The following PDE4B variants were observed in gnomAD, a reference collection of about 807,000 sequenced individuals.
The protein encoded by PDE4B is phosphodiesterase 4B.
PDE4B carries 20 observed loss-of-function variants against 82.2 expected under a neutral mutation model. The ratio of observed to expected loss-of-function variants is 0.24; its 90% CI spans 0.17 to 0.35. PDE4B has a LOEUF of 0.35. PDE4B is among the 10% of genes least tolerant of loss of function. The probability of loss-of-function intolerance (pLI) is 1.00; values close to 1 mark genes in which losing one functional copy is unlikely to be tolerated. For missense variants in PDE4B, 655 were observed against 907.2 expected (o/e 0.72, Z 3.57); for synonymous variants, 320 against 318.9 (o/e 1.00, Z -0.04).
At chr1:66,269,806 C>T (rs188687299) in intron 7 of PDE4B, among the ~76,000 whole-genome samples, 2 of 152,096 alleles carry the variant, frequency 1.3e-5, no homozygotes, top group East Asian at 1.9e-4. Flanking sequence ...GATTTTTTTG[C>T]TTTATAGAAG....
intron 7 of PDE4B, chr1:66,267,094 C>T (rs1655107502): frequency 6.5e-6 from 1 of 153,874 alleles, no homozygotes; most frequent in African/African-American, 2.4e-5. Context: ...TCTATTGGCT[C>T]ATTGGCTTCT....
At chr1:66,359,011 A>ACC (rs1262105490) in intron 9 of PDE4B, among the ~76,000 whole-genome samples, 2 of 152,204 alleles carry the variant, frequency 1.3e-5, no homozygotes, top group Non-Finnish European at 2.9e-5. Context: ...TTGCTGGTGC[A>ACC]AGGGGAAATA....
At chr1:66,029,936 T>C (rs1653670817) in intron 3 of PDE4B, among the ~76,000 whole-genome samples, 1 of 152,140 alleles carries the variant, frequency 6.6e-6, no homozygotes, top group South Asian at 2.1e-4. Flanking sequence ...ACCACAATTA[T>C]GAAGTCTAAT....
chr1:66,188,198 GAC>G (rs1339247179), intron 3 of PDE4B, among the ~76,000 whole-genome samples: 1 of 152,062 alleles, frequency 6.6e-6, no homozygotes, highest in East Asian at 1.9e-4. Flanking sequence ...TGGTCTGAGA[GAC>G]AGTTTGTTAT....
chr1:65,964,301 A>T (rs1431746760), intron 3 of PDE4B, among the ~76,000 whole-genome samples: 1 of 152,204 alleles, frequency 6.6e-6, no homozygotes, highest in Admixed American at 6.5e-5. Flanking sequence ...AAAACGGTTA[A>T]ACAATTAAAA....
At chr1:66,301,202 G>A (rs1657869026) in intron 7 of PDE4B, among the ~76,000 whole-genome samples, 2 of 151,826 alleles carry the variant, frequency 1.3e-5, no homozygotes. Flanking sequence ...TTTTTTCTAT[G>A]GGTAATTTTT....
In PDE4B at chr1:66,353,795, T is replaced by A. The variant is rs963120343; in HGVS notation, c.748-1732T>A. Among the ~76,000 whole-genome samples, 9 of 152,308 alleles carry A rather than the reference T, an allele frequency of 5.9e-5. 3 individuals are homozygous for A. The highest frequency in any genetic ancestry group is 6.5e-5 in the Admixed American group (1 of 15,294). On this transcript the variant is annotated intron_variant, in intron 8 of 16. Coordinates refer to ENST00000341517, the MANE Select transcript of PDE4B (RefSeq NM_002600.4). The stretch of plus-strand genomic sequence containing the variant: ...TGCTAAAATAAAATAAAAATTAATT[T>A]AAATCCTCAGATTTCTAATGTGAGT...
chr1:65,878,219 A>T (rs1390360746), intron 1 of PDE4B, among the ~76,000 whole-genome samples: 1 of 152,226 alleles, frequency 6.6e-6, no homozygotes, highest in East Asian at 1.9e-4. Context: ...ACCATTAAAA[A>T]GTCAGGAAAC....
chr1:65,870,142 A>G (rs1384091265), intron 1 of PDE4B, among the ~76,000 whole-genome samples: 1 of 152,202 alleles, frequency 6.6e-6, no homozygotes, highest in African/African-American at 2.4e-5. Context: ...TCACCCAGAG[A>G]GTATTGTTTC....
At chr1:65,986,613 C>T (rs894472609) in intron 3 of PDE4B, among the ~76,000 whole-genome samples, 1 of 152,100 alleles carries the variant, frequency 6.6e-6, no homozygotes, top group Admixed American at 6.6e-5. Flanking sequence ...TGCACCAAGG[C>T]GATCAGTTAT....
rs1002699530 is a variant in PDE4B at position 65,958,291 on chromosome 1, A to C, written c.281+39456A>C. Among the ~76,000 whole-genome samples, 6 of 152,168 alleles carry C rather than the reference A, an allele frequency of 3.9e-5. No individual in the cohort carries two copies. The Middle Eastern group carries it at 0.01, about 259-fold the overall frequency. ...GGTGATAAATATATTTTCTAATGAT[A>C]AACTGCCTTTTCCTTCCTAAAATAA... On this transcript the variant is annotated intron_variant, in intron 3 of 16. Transcript: ENST00000341517.
intron 1 of PDE4B, among the ~76,000 whole-genome samples, chr1:65,819,987 A>G (rs1157733795): frequency 6.6e-6 from 1 of 152,208 alleles, no homozygotes; most frequent in Non-Finnish European, 1.5e-5. Flanking sequence ...ATTAGACAAA[A>G]AGACTACGAT....
chr1:65,888,165 G>A (rs1490156980), intron 1 of PDE4B, among the ~76,000 whole-genome samples: 1 of 152,050 alleles, frequency 6.6e-6, no homozygotes, highest in Non-Finnish European at 1.5e-5. Context: ...TCTTCTGCAT[G>A]TGGCGACCAA....
chr1:65,953,426 G>A (rs180917263), intron 3 of PDE4B, among the ~76,000 whole-genome samples: 4 of 152,050 alleles, frequency 2.6e-5, no homozygotes, highest in African/African-American at 7.2e-5. Context: ...AATCTAGTCC[G>A]ATGAAATCAC....
chr1:65,948,727 C>T (rs1569786271), intron 3 of PDE4B, among the ~76,000 whole-genome samples: 1 of 152,188 alleles, frequency 6.6e-6, no homozygotes, highest in East Asian at 1.9e-4. Context: ...TGTTTGGGAT[C>T]TTTGGCTATC....
At chr1:65,803,757 C>G (rs1218681581) in intron 1 of PDE4B, among the ~76,000 whole-genome samples, 1 of 152,152 alleles carries the variant, frequency 6.6e-6, no homozygotes, top group Admixed American at 6.5e-5. Context: ...CAATGAGGTT[C>G]TGCTTTACTA....
chr1:66,070,760 A>G (rs1181878486), intron 3 of PDE4B, among the ~76,000 whole-genome samples: 1 of 152,040 alleles, frequency 6.6e-6, no homozygotes, highest in African/African-American at 2.4e-5. Context: ...CTTCTTATTT[A>G]TTTTAGTTAA....
intron 1 of PDE4B, among the ~76,000 whole-genome samples, chr1:65,904,843 A>G (rs1361964950): frequency 6.6e-6 from 1 of 152,168 alleles, no homozygotes; most frequent in East Asian, 1.9e-4. Flanking sequence ...AATAGTTGTG[A>G]GAATTACATG....
intron 3 of PDE4B, among the ~76,000 whole-genome samples, chr1:66,230,965 C>T (rs564939011): frequency 3.4e-5 from 5 of 148,430 alleles, no homozygotes; most frequent in Admixed American, 6.8e-5. Flanking sequence ...ACCCAGGAGG[C>T]GGAGGTTGCA....
Sources: gnomAD v4.1 joint callset for allele counts (sites outside exome capture counted in the v4.1 genomes callset) on GRCh38, gnomAD v4.1.1 for gene constraint, MANE v1.5 for transcripts, NCBI Gene and HGNC (gene_info 2026-07-23, HGNC 2026-07-21) for gene names.